Variants in GRM8 observed in about 807,000 individuals in gnomAD.
GRM8 encodes metabotropic glutamate receptor 8.
GRM8 carries 47 observed loss-of-function variants against 87.2 expected under a neutral mutation model. That is an observed-to-expected ratio of 0.54 (90% CI 0.43 to 0.69). The LOEUF (loss-of-function observed/expected upper bound fraction) is 0.69, where lower values mean the gene tolerates loss of function less well. Among genes scored for constraint, GRM8 ranks in the 30% least tolerant of loss-of-function variants. GRM8 has a pLI of 0.00. For missense variants in GRM8, 1,019 were observed against 1,139.2 expected, an observed-to-expected ratio of 0.89 and a Z score of 1.52; for synonymous variants, 396 against 404.5, an observed-to-expected ratio of 0.98 and a Z score of 0.25.
At chr7:126,996,194 G>T (rs1348150968) in intron 3 of GRM8, among the ~76,000 whole-genome samples, 1 of 152,038 alleles carries the variant, frequency 6.6e-6, no homozygotes, top group Non-Finnish European at 1.5e-5. Context: ...TGCCCTAAAA[G>T]AAAGGTTAAT....
At chr7:126,666,797 C>T (rs187076765) in intron 7 of GRM8, among the ~76,000 whole-genome samples, 4 of 152,210 alleles carry the variant, frequency 2.6e-5, no homozygotes, top group Non-Finnish European at 5.9e-5. Flanking sequence ...TAATTTTTGT[C>T]AAATCCTGAC....
At chr7:127,070,831 G>C (rs2237783) in intron 3 of GRM8, among the ~76,000 whole-genome samples, 52,745 of 151,968 alleles carry the variant, frequency 0.35, 9,596 homozygotes, top group Non-Finnish European at 0.41. Context: ...AGACTGGAAC[G>C]TGTCTCTTGC....
intron 7 of GRM8, among the ~76,000 whole-genome samples, chr7:126,764,001 C>T (rs533649156): frequency 1.3e-5 from 2 of 151,774 alleles, no homozygotes; most frequent in South Asian, 2.1e-4. Context: ...AGAAAAAAAG[C>T]GTTCCAGTTC....
At chr7:126,847,035 A>G (rs761900410) in intron 6 of GRM8, among the ~76,000 whole-genome samples, 2 of 152,234 alleles carry the variant, frequency 1.3e-5, no homozygotes, top group African/African-American at 2.4e-5. Context: ...AGCATTCTTT[A>G]TATTTTAAAA....
At chr7:126,779,489 T>C (rs1819836379) in intron 6 of GRM8, among the ~76,000 whole-genome samples, 1 of 152,098 alleles carries the variant, frequency 6.6e-6, no homozygotes, top group Admixed American at 6.5e-5. Context: ...TAATAGTCTT[T>C]ATAACTAATT....
At chr7:126,487,015 C>G (rs889681216) in intron 9 of GRM8, among the ~76,000 whole-genome samples, 1 of 152,048 alleles carries the variant, frequency 6.6e-6, no homozygotes, top group Non-Finnish European at 1.5e-5. Flanking sequence ...GTACTACAGA[C>G]TAGTGCTCTG....
At chr7:127,096,881 A>T (rs1824708623) in intron 3 of GRM8, among the ~76,000 whole-genome samples, 2 of 152,296 alleles carry the variant, frequency 1.3e-5, no homozygotes, top group South Asian at 4.1e-4. Flanking sequence ...ACATTACAGT[A>T]ACCCCCGAAG....
At chr7:126,826,514 T>C (rs1794816153) in intron 6 of GRM8, among the ~76,000 whole-genome samples, 1 of 152,230 alleles carries the variant, frequency 6.6e-6, no homozygotes, top group Non-Finnish European at 1.5e-5. Context: ...TGCATAAATG[T>C]CTTCTTTTGA....
intron 9 of GRM8, among the ~76,000 whole-genome samples, chr7:126,452,473 A>G (rs1802732780): frequency 2.0e-5 from 3 of 151,546 alleles, no homozygotes; most frequent in Admixed American, 6.6e-5. Flanking sequence ...GATAACAGAC[A>G]TTCTCTATAA....
At chr7:127,116,557 C>T (rs2133157161) in intron 2 of GRM8, among the ~76,000 whole-genome samples, 1 of 152,288 alleles carries the variant, frequency 6.6e-6, no homozygotes, top group Admixed American at 6.5e-5. Flanking sequence ...GTTGTGAAAG[C>T]TATGAACCTG....
rs17862308 is a variant in GRM8 at position 127,162,887 on chromosome 7, C to G, written c.511-56175G>C. 7.5e-3 allele frequency among the ~76,000 whole-genome samples: 1,140 copies of G among 152,166 alleles called. 10 individuals carry two copies. Among genetic ancestry groups the G allele is most frequent in the Middle Eastern group, 0.014 (4 of 294 alleles). ...TCAAGATTGGATGAAAATAAGAATG[C>G]CTTTAGAAGGGAAAGGGCTTTCTTA... On this transcript the variant is annotated intron_variant, in intron 2 of 10. Transcript: ENST00000339582.
At chr7:126,950,209 C>A (rs1807982739) in intron 3 of GRM8, among the ~76,000 whole-genome samples, 1 of 152,160 alleles carries the variant, frequency 6.6e-6, no homozygotes, top group Non-Finnish European at 1.5e-5. Flanking sequence ...AATTTTGTTT[C>A]ACACTTGATT....
intron 2 of GRM8, among the ~76,000 whole-genome samples, chr7:127,216,736 C>T (rs1249044784): frequency 2.0e-5 from 3 of 152,178 alleles, no homozygotes; most frequent in Non-Finnish European, 2.9e-5. Context: ...CTCTTGTTCA[C>T]TCCATTCTAT....
At chr7:127,033,375 C>A (rs1336239018) in intron 3 of GRM8, among the ~76,000 whole-genome samples, 9 of 151,628 alleles carry the variant, frequency 5.9e-5, no homozygotes, top group Non-Finnish European at 1.3e-4. Context: ...TCTCTATGGC[C>A]CCTATGTCAG....
chr7:126,692,183 T>C (rs191213480), intron 7 of GRM8, among the ~76,000 whole-genome samples: 1 of 152,250 alleles, frequency 6.6e-6, no homozygotes, highest in African/African-American at 2.4e-5. Context: ...CAGAAGTGAG[T>C]GGGCTAACGA....
At chr7:127,093,416 A>G (rs894145452) in intron 3 of GRM8, among the ~76,000 whole-genome samples, 1 of 152,214 alleles carries the variant, frequency 6.6e-6, no homozygotes, top group African/African-American at 2.4e-5. Context: ...ACTATCATCA[A>G]GCAACATTTT....
chr7:126,842,979 G>A lies in GRM8; in HGVS notation c.1156+59563C>T, dbSNP rs1796408460. On this transcript the variant is annotated intron_variant, in intron 6 of 10. Coordinates refer to ENST00000339582, the MANE Select transcript of GRM8 (RefSeq NM_000845.3). ...GGGAACTAATACAATTGTGAAAAATGAGGGGAATTGGAAGGAAAAAAATTA... is the reference window on the plus strand; with the variant it reads ...GGGAACTAATACAATTGTGAAAAATAAGGGGAATTGGAAGGAAAAAAATTA... 2.6e-5 allele frequency among the ~76,000 whole-genome samples: 4 copies of A among 152,252 alleles called. No individual in the cohort carries two copies. The South Asian group carries it at 8.3e-4, about 32-fold the overall frequency.
chr7:127,072,149 T>G (rs2048586879), intron 3 of GRM8, among the ~76,000 whole-genome samples: 1 of 152,082 alleles, frequency 6.6e-6, no homozygotes, highest in Non-Finnish European at 1.5e-5. Context: ...TCCTTGCCTG[T>G]GCACACCTGG....
intron 8 of GRM8, among the ~76,000 whole-genome samples, chr7:126,553,370 C>A (rs1283691270): frequency 2.0e-5 from 3 of 152,174 alleles, no homozygotes; most frequent in Admixed American, 6.5e-5. Context: ...GTGACATATT[C>A]TGTTGGGTTA....
Sources: allele counts gnomAD v4.1 joint callset (sites outside exome capture counted in the v4.1 genomes callset), GRCh38; gene constraint gnomAD v4.1.1; transcripts MANE v1.5; gene names NCBI Gene and HGNC (gene_info 2026-07-23, HGNC 2026-07-21).